The following SHISA6 variants were observed in gnomAD, a reference collection of about 807,000 sequenced individuals.
The protein encoded by SHISA6 is shisa family member 6.
In SHISA6, 22 loss-of-function variants were observed where a neutral mutation model predicts 47.9. The ratio of observed to expected loss-of-function variants is 0.46; its 90% CI spans 0.33 to 0.66. The LOEUF is 0.66. Ranked by LOEUF, SHISA6 falls within the 30% of genes least tolerant of loss-of-function variation. The probability of loss-of-function intolerance (pLI) is 0.02; values close to 1 mark genes in which losing one functional copy is unlikely to be tolerated. For synonymous variants in SHISA6, 388 were observed against 337.8 expected (o/e 1.15, Z -1.63); for missense variants, 680 against 764.6 (o/e 0.89, Z 1.30).
rs56154031 is a variant in SHISA6, at chr17:11,330,839, C to G, written c.800-48575C>G. 9.3e-3 allele frequency among the ~76,000 whole-genome samples: 1,413 copies of G among 152,204 alleles called. 21 individuals carry two copies. Among genetic ancestry groups the G allele is most frequent in the African/African-American group, 0.032 (1,348 of 41,520 alleles). On this transcript the variant is annotated intron_variant, in intron 2 of 5. Transcript: ENST00000441885. The stretch of plus-strand genomic sequence containing the variant: ...TTCGTCTTTGGTCTGGTATCAAGGA[C>G]CAGAGACAGTGGGGAAGCGCCTGAC...
At chr17:11,434,094 C>T (rs1264671721) in intron 3 of SHISA6, among the ~76,000 whole-genome samples, 1 of 143,118 alleles carries the variant, frequency 7.0e-6, no homozygotes, top group South Asian at 2.2e-4. Context: ...GACTGTGTCT[C>T]GGTCTGTCAC....
At position 11,241,887 on chromosome 17, in the gene SHISA6, C is replaced by T; in HGVS notation, c.465C>T (p.Ser155=). 1 of 1,551,236 alleles carries T rather than the reference C, an allele frequency of 6.4e-7. No homozygotes were observed. Among genetic ancestry groups the T allele is most frequent in the Non-Finnish European group, 8.7e-7 (1 of 1,147,024 alleles). The change falls in exon 1 of 6, where the codon AGC becomes AGT. Residue 155 remains serine (S), a synonymous_variant. Coordinates refer to ENST00000441885, the MANE Select transcript of SHISA6 (RefSeq NM_207386.4). This position sits in a 1 kb window ranked among gnomAD's most constrained non-coding sequence, Gnocchi z 5.5. ...GCCCGGTGTGGGTACAGACGCCCAGCACCAAGGTGGTGTCGCCGGGGCCCG... is the reference window on the plus strand; with the variant it reads ...GCCCGGTGTGGGTACAGACGCCCAGTACCAAGGTGGTGTCGCCGGGGCCCG... ...YQSPVWVQTP[S]TKVVSPGPEN... is the part of the protein sequence containing the mutation.
chr17:11,360,202 A>T (rs1384567995), intron 2 of SHISA6, among the ~76,000 whole-genome samples: 1 of 152,222 alleles, frequency 6.6e-6, no homozygotes, highest in Admixed American at 6.5e-5. Flanking sequence ...CATTCTCAGC[A>T]AACTAATACG....
At chr17:11,294,057 T>C (rs530572507) in intron 2 of SHISA6, among the ~76,000 whole-genome samples, 1 of 151,996 alleles carries the variant, frequency 6.6e-6, no homozygotes, top group East Asian at 1.9e-4. Context: ...GGCTAATTTT[T>C]GTATTTTTAG....
intron 1 of SHISA6, among the ~76,000 whole-genome samples, chr17:11,253,822 T>C (rs566154421): frequency 2.0e-5 from 3 of 152,318 alleles, no homozygotes; most frequent in South Asian, 2.1e-4. Context: ...CACATCCTTG[T>C]GCTCGCTTTT....
chr17:11,444,744 T>C (rs1034504066), intron 3 of SHISA6, among the ~76,000 whole-genome samples: 1 of 152,160 alleles, frequency 6.6e-6, no homozygotes, highest in African/African-American at 2.4e-5. Context: ...TTAACAATGG[T>C]TTATAATTCT....
intron 3 of SHISA6, among the ~76,000 whole-genome samples, chr17:11,402,701 C>G (rs1263949746): frequency 1.3e-5 from 2 of 152,190 alleles, no homozygotes; most frequent in Non-Finnish European, 2.9e-5. Flanking sequence ...TGCCAAGTTT[C>G]AAGAGAGCAA....
chr17:11,451,043 C>T (rs1915385376), intron 3 of SHISA6, among the ~76,000 whole-genome samples: 1 of 149,608 alleles, frequency 6.7e-6, no homozygotes, highest in South Asian at 2.1e-4. Flanking sequence ...CATGATGAGG[C>T]TCACTATGTG....
chr17:11,448,859 C>T (rs1204642702), intron 3 of SHISA6, among the ~76,000 whole-genome samples: 1 of 152,018 alleles, frequency 6.6e-6, no homozygotes, highest in African/African-American at 2.4e-5. Flanking sequence ...TCTCTTCAGC[C>T]CAGCTCTGTT....
At chr17:11,408,756 G>A (rs1408354202) in intron 3 of SHISA6, among the ~76,000 whole-genome samples, 1 of 152,216 alleles carries the variant, frequency 6.6e-6, no homozygotes, top group Non-Finnish European at 1.5e-5. Flanking sequence ...TGTGGTTGGA[G>A]GTTGATGATT....
chr17:11,557,918 T>C lies in SHISA6; in HGVS notation c.1270T>C (p.Ser424Pro), dbSNP rs1475615343. ...IRAMSQDRVLSPDRGLPDEFS... is the reference protein window; with the variant it reads ...IRAMSQDRVLPPDRGLPDEFS... ...GGCCATGTCCCAGGACAGGGTCCTG[T>C]CCCCGGATCGGGGCCTGCCAGATGA... The change falls in exon 6 of 6, where the codon TCC (serine) becomes CCC (proline). Residue 424 changes from serine (S) to proline (P), a missense_variant. Ser to Pro is a moderately conservative substitution (Grantham distance 74). Around this residue, in one of 2 missense-constraint regions of SHISA6, gnomAD observed 559 missense variants for 674.1 expected, o/e 0.83. Transcript: ENST00000441885. 3 of 1,551,576 alleles carry C rather than the reference T, an allele frequency of 1.9e-6. No individual in the cohort carries two copies. The highest frequency in any genetic ancestry group is 2.7e-5 in the African/African-American group (2 of 73,178).
rs539927055 is a variant in SHISA6 at position 11,408,201 on chromosome 17, C to G, written c.895+28692C>G. ...CTTCACAATAGTTTCTATGTTCTCA[C>G]TCCTCCTTATGCCACATGGGAAACT... On this transcript the variant is annotated intron_variant, in intron 3 of 5. Transcript: ENST00000441885. 1.7e-4 allele frequency among the ~76,000 whole-genome samples: 26 copies of G among 152,312 alleles called. No homozygotes were observed. In the South Asian group the frequency reaches 2.3e-3, roughly 13 times the overall value.
chr17:11,292,497 A>T (rs1203673041), intron 2 of SHISA6, among the ~76,000 whole-genome samples: 4 of 152,154 alleles, frequency 2.6e-5, no homozygotes, highest in African/African-American at 9.7e-5. Context: ...TTGGGGGAGC[A>T]CACAATTCAG....
At chr17:11,516,622 G>A (rs2071588149) in intron 3 of SHISA6, among the ~76,000 whole-genome samples, 1 of 152,146 alleles carries the variant, frequency 6.6e-6, no homozygotes, top group South Asian at 2.1e-4. Flanking sequence ...ACTACCTATG[G>A]TTTAACACCA....
intron 3 of SHISA6, among the ~76,000 whole-genome samples, chr17:11,437,129 G>T (rs1321434502): frequency 6.6e-6 from 1 of 152,180 alleles, no homozygotes; most frequent in Non-Finnish European, 1.5e-5. Flanking sequence ...ATATAGGATT[G>T]CATTGCCAAG....
intron 3 of SHISA6, among the ~76,000 whole-genome samples, chr17:11,534,534 A>C (rs1428636945): frequency 6.6e-6 from 1 of 152,198 alleles, no homozygotes; most frequent in Non-Finnish European, 1.5e-5. Context: ...GTTAGAAGAC[A>C]CAAGGCATGT....
At chr17:11,339,817 A>T (rs560908227) in intron 2 of SHISA6, among the ~76,000 whole-genome samples, 37 of 152,318 alleles carry the variant, frequency 2.4e-4, no homozygotes, top group Admixed American at 1.8e-3. Flanking sequence ...CTGATCTGGT[A>T]GTGTGGACCT....
chr17:11,470,957 C>G (rs978748828), intron 3 of SHISA6, among the ~76,000 whole-genome samples: 1 of 152,216 alleles, frequency 6.6e-6, no homozygotes, highest in Admixed American at 6.5e-5. Context: ...CATCTGTAAT[C>G]CCAGCACTCT....
At chr17:11,391,273 C>T (rs1597489863) in intron 3 of SHISA6, among the ~76,000 whole-genome samples, 1 of 151,938 alleles carries the variant, frequency 6.6e-6, no homozygotes, top group African/African-American at 2.4e-5. Flanking sequence ...AATGAGAAAG[C>T]GATGGGGCTA....
Sources: allele counts gnomAD v4.1 joint callset (sites outside exome capture counted in the v4.1 genomes callset), GRCh38; gene constraint gnomAD v4.1.1; regional missense constraint gnomAD v4.1.1; non-coding constraint Gnocchi (gnomAD v3.1); transcripts MANE v1.5; gene names NCBI Gene and HGNC (gene_info 2026-07-23, HGNC 2026-07-21).